UNC13C: variants seen among roughly 807,000 people sequenced by gnomAD.
The protein encoded by UNC13C is unc-13 homolog C, also known as protein unc-13 homolog C.
Under a neutral mutation model 245.4 loss-of-function variants are expected in UNC13C, and 174 were observed. The observed-to-expected ratio is 0.71, with a 90% CI of 0.63 to 0.80. The LOEUF (loss-of-function observed/expected upper bound fraction) is 0.80, where lower values mean the gene tolerates loss of function less well. Ranked by LOEUF, UNC13C falls within the 30% of genes least tolerant of loss-of-function variation. The pLI is 0.00. For missense variants in UNC13C, 2,829 were observed against 2,602.9 expected (o/e 1.09, Z -1.89); for synonymous variants, 992 against 895.1 (o/e 1.11, Z -1.93).
intron 11 of UNC13C, among the ~76,000 whole-genome samples, chr15:54,296,195 A>G (rs894838564): frequency 6.7e-6 from 1 of 150,080 alleles, no homozygotes; most frequent in Non-Finnish European, 1.5e-5. Flanking sequence ...GAGAATTTTT[A>G]TTTTTATTTA....
chr15:54,186,505 T>C (rs2033988335), intron 4 of UNC13C, among the ~76,000 whole-genome samples: 1 of 152,166 alleles, frequency 6.6e-6, no homozygotes, highest in East Asian at 1.9e-4. Flanking sequence ...TTCTACTTAA[T>C]TATATACTTC....
rs375968404 is a variant in UNC13C, at chr15:54,622,373, C to T, written c.6153C>T (p.Asp2051=). Residue 2051 remains aspartate, a synonymous_variant, in exon 31 of 33, where the codon GAC becomes GAT. Transcript: ENST00000260323. ...TGGGTCAGATATCTGTTCATGTGGA[C>T]ATCACTGCCACCCCAGGAACGGGAG... ...DAVGQISVHV[D]ITATPGTGDH... 5.1e-5 allele frequency: 82 copies of T among 1,613,198 alleles called. No individual in the cohort carries two copies. The African/African-American group carries it at 9.9e-4, about 19-fold the overall frequency.
intron 17 of UNC13C, among the ~76,000 whole-genome samples, chr15:54,356,879 T>A (rs981503295): frequency 2.6e-5 from 4 of 152,138 alleles, no homozygotes; most frequent in African/African-American, 9.6e-5. Context: ...TTAAACATAT[T>A]TGTATATTAA....
At chr15:54,476,111 G>A (rs1365966179) in intron 19 of UNC13C, among the ~76,000 whole-genome samples, 1 of 113,480 alleles carries the variant, frequency 8.8e-6, no homozygotes, top group Non-Finnish European at 1.8e-5. Context: ...GTCTTCTTTT[G>A]AGAAGTGTCT....
intron 2 of UNC13C, among the ~76,000 whole-genome samples, chr15:54,141,620 T>A (rs558728665): frequency 6.6e-6 from 1 of 152,130 alleles, no homozygotes; most frequent in East Asian, 1.9e-4. Context: ...GGCCAATTGA[T>A]ATGTCATATT....
At chr15:54,305,715 T>TA (rs1472687253) in intron 13 of UNC13C, among the ~76,000 whole-genome samples, 2 of 151,918 alleles carry the variant, frequency 1.3e-5, no homozygotes, top group Admixed American at 6.6e-5. Context: ...TCTTAATTCT[T>TA]AAAAAAACAA....
chr15:54,382,267 A>T (rs1446466831), intron 17 of UNC13C, among the ~76,000 whole-genome samples: 1 of 152,184 alleles, frequency 6.6e-6, no homozygotes, highest in African/African-American at 2.4e-5. Flanking sequence ...GAAAGTTTAT[A>T]GCACCAAACA....
Position 54,321,988 on chromosome 15 carries a change from G to A in UNC13C, c.4318G>A (p.Val1440Ile), listed in dbSNP as rs74718497. Reference sequence around the variant, plus strand: ...ATACATGTGCCCCGGTGTCCCTGCCGTCATGAGCACCTTGCTGGCTAATAT... The same window carrying A: ...ATACATGTGCCCCGGTGTCCCTGCCATCATGAGCACCTTGCTGGCTAATAT... ...SKYMCPGVPA[V>I]MSTLLANINA... The change falls in exon 14 of 33, where the codon GTC becomes ATC. Residue 1440 changes from valine (V) to isoleucine (I), a missense_variant. Physicochemically the swap from Val to Ile is conservative, Grantham distance 29. Transcript: ENST00000260323. 7.9e-4 allele frequency: 1,259 copies of A among 1,587,992 alleles called. 10 individuals are homozygous for A. In the African/African-American group the frequency reaches 0.012, roughly 15 times the overall value.
chr15:53,977,309 G>A (rs1384415606), upstream of UNC13C, among the ~76,000 whole-genome samples: 2 of 152,126 alleles, frequency 1.3e-5, no homozygotes, highest in African/African-American at 4.8e-5. Flanking sequence ...ACATACGGTA[G>A]GTGAAATGTT....
At chr15:53,890,026 T>G in the UNC13C span, among the ~76,000 whole-genome samples, 1 of 152,312 alleles carries the variant, frequency 6.6e-6, no homozygotes, top group South Asian at 2.1e-4. Context: ...TTTTTTGTTG[T>G]GTCTCTGCCA....
chr15:54,012,966 G>T lies in UNC13C; in HGVS notation c.63G>T (p.Met21Ile), dbSNP rs753088057. The change falls in exon 2 of 33, where the codon ATG (methionine) becomes ATT (isoleucine). Residue 21 changes from methionine (M) to isoleucine (I), a missense_variant. By Grantham distance (10) the Met-to-Ile change is conservative (BLOSUM62 1). Coordinates refer to ENST00000260323, the MANE Select transcript of UNC13C (RefSeq NM_001080534.3). ...LPYIHKLCKG[M>I]FTKKLGNTNK... is the part of the protein sequence containing the mutation. ...ACATTCATAAGCTTTGCAAAGGAAT[G>T]TTTACAAAGAAATTGGGAAATACAA... 32 of 1,613,676 alleles carry T rather than the reference G, an allele frequency of 2.0e-5. No individual in the cohort carries two copies. The highest frequency in any genetic ancestry group is 1.2e-4 in the South Asian group (11 of 91,048).
intron 4 of UNC13C, among the ~76,000 whole-genome samples, chr15:54,199,709 A>G (rs1023394842): frequency 2.0e-5 from 3 of 152,152 alleles, no homozygotes; most frequent in African/African-American, 4.8e-5. Context: ...CTTGAGATAA[A>G]TCTTCTAAAT....
intron 13 of UNC13C, chr15:54,320,705 C>T (rs1050227357): frequency 3.2e-5 from 12 of 371,258 alleles, no homozygotes; most frequent in Non-Finnish European, 6.3e-5. Flanking sequence ...TCCTGCTAAA[C>T]TTTGTTTCCT....
intron 20 of UNC13C, among the ~76,000 whole-genome samples, chr15:54,497,041 G>C (rs773648777): frequency 1.3e-5 from 2 of 152,134 alleles, no homozygotes; most frequent in Admixed American, 1.3e-4. Flanking sequence ...GTATGCCTAA[G>C]TTGTTGGTAG....
At position 54,177,019 on chromosome 15, in the gene UNC13C, C is replaced by G. The variant is rs2033638220; in HGVS notation, c.3071+33335C>G. ...GCAGACCGCATATGTGATTGGGTTCCCTGACCTCCCAAATGAATACTTTTC... is the reference window on the plus strand; with the variant it reads ...GCAGACCGCATATGTGATTGGGTTCGCTGACCTCCCAAATGAATACTTTTC... On this transcript the variant is annotated intron_variant, in intron 4 of 32. Transcript: ENST00000260323. 2.6e-5 allele frequency among the ~76,000 whole-genome samples: 4 copies of G among 151,958 alleles called. 1 individual carries two copies. The highest frequency in any genetic ancestry group is 2.6e-4 in the Admixed American group (4 of 15,256).
chr15:53,979,216 T>C (rs1183181904), intron 1 of UNC13C, among the ~76,000 whole-genome samples: 2 of 152,058 alleles, frequency 1.3e-5, no homozygotes, highest in African/African-American at 4.8e-5. Context: ...ACAAATAGGG[T>C]TGAGATGAAA....
chr15:54,136,044 G>T (rs1365691265), intron 2 of UNC13C, among the ~76,000 whole-genome samples: 1 of 152,116 alleles, frequency 6.6e-6, no homozygotes, highest in East Asian at 1.9e-4. Context: ...ATAGTTTTCA[G>T]TGTAGTCTTA....
chr15:54,147,385 AT>A (rs1470086520), intron 4 of UNC13C, among the ~76,000 whole-genome samples: 1 of 151,582 alleles, frequency 6.6e-6, no homozygotes, highest in Non-Finnish European at 1.5e-5. Context: ...ACGCCCGGCC[AT>A]TTTTTTGTAT....
intron 1 of UNC13C, among the ~76,000 whole-genome samples, chr15:53,984,705 T>C (rs192577670): frequency 1.3e-5 from 2 of 152,220 alleles, no homozygotes; most frequent in African/African-American, 4.8e-5. Flanking sequence ...GAAATGTACA[T>C]GTTATTAGAC....
Sources: allele counts gnomAD v4.1 joint callset (sites outside exome capture counted in the v4.1 genomes callset), GRCh38; gene constraint gnomAD v4.1.1; transcripts MANE v1.5; gene names NCBI Gene and HGNC (gene_info 2026-07-23, HGNC 2026-07-21).